The following ANKMY1 variants were observed in gnomAD, a reference collection of about 807,000 sequenced individuals.
ANKMY1 encodes the protein ankyrin repeat and MYND domain containing 1, also known as ankyrin repeat and MYND domain-containing protein 1.
A neutral mutation model predicts 102.0 loss-of-function variants in ANKMY1; 98 were observed. The observed-to-expected ratio is 0.96, with a 90% CI of 0.82 to 1.14. The LOEUF is 1.14. ANKMY1 is among the 50% of genes most tolerant of loss of function. The pLI is 0.00. For missense variants in ANKMY1, 1,330 were observed against 1,347.6 expected, an observed-to-expected ratio of 0.99 and a Z score of 0.20; for synonymous variants, 582 against 559.9, an observed-to-expected ratio of 1.04 and a Z score of -0.56.
intron 4 of ANKMY1, among the ~76,000 whole-genome samples, chr2:240,539,078 A>G (rs961355216): frequency 4.1e-4 from 62 of 152,318 alleles, no homozygotes; most frequent in African/African-American, 1.3e-3. Context: ...ATAAGGGAAT[A>G]AACGCAGGCT....
chr2:240,533,354 A>G (rs553841927), intron 4 of ANKMY1, among the ~76,000 whole-genome samples: 1 of 152,322 alleles, frequency 6.6e-6, no homozygotes, highest in South Asian at 2.1e-4. Flanking sequence ...TTACTATGAG[A>G]TGTACATGGT....
upstream of ANKMY1, chr2:240,561,015 G>GCCGCCGTCTGCA (rs1444177702): frequency 9.8e-6 from 15 of 1,533,524 alleles, no homozygotes; most frequent in African/African-American, 1.4e-5. Flanking sequence ...CAGCCGCTCG[G>GCCGCCGTCTGCA]CCGCCGTCTG....
rs772714291 is a variant in ANKMY1 at position 240,520,149 on chromosome 2, A to T, written c.2004+213T>A. ...ACACGGATCGTGAAGTACTCTAAAA[A>T]CTAGCTCGGTGTCCAAATCCTGTCT... On this transcript the variant is annotated intron_variant, in intron 9 of 17. Transcript: ENST00000401804. This position sits in a 1 kb window ranked among gnomAD's most constrained non-coding sequence, Gnocchi z 4.8. 6.2e-6 allele frequency: 5 copies of T among 804,862 alleles called. No individual in the cohort carries two copies. The South Asian group carries it at 7.3e-5, about 12-fold the overall frequency. 49.9% of individuals were successfully genotyped at this position (804,862 alleles called of 1,614,324 possible). A position where few individuals can be genotyped will look rare whatever the true frequency, so the allele number is the denominator to read the frequency against.
chr2:240,528,155 C>G (rs1575178968), intron 5 of ANKMY1, among the ~76,000 whole-genome samples: 1 of 151,962 alleles, frequency 6.6e-6, no homozygotes, highest in South Asian at 2.1e-4. Context: ...GGCGTGGTGG[C>G]AGGCACCTGT....
intron 9 of ANKMY1, among the ~76,000 whole-genome samples, chr2:240,519,054 T>C (rs1172401007): frequency 6.6e-6 from 1 of 152,180 alleles, no homozygotes; most frequent in South Asian, 2.1e-4. Context: ...TGGACGAGTG[T>C]TTACACAACC....
At chr2:240,490,016 C>G (rs575449349) in intron 15 of ANKMY1, among the ~76,000 whole-genome samples, 11 of 151,900 alleles carry the variant, frequency 7.2e-5, no homozygotes, top group African/African-American at 2.7e-4. Flanking sequence ...AGGAATTTAT[C>G]CATTTCCTCT....
chr2:240,488,038 C>T (rs1477204086), intron 15 of ANKMY1, among the ~76,000 whole-genome samples: 1 of 152,194 alleles, frequency 6.6e-6, no homozygotes, highest in Non-Finnish European at 1.5e-5. Flanking sequence ...CTTAGTCATA[C>T]CTTCTTTGCC....
Position 240,506,903 on chromosome 2 carries a change from C to A in ANKMY1, c.2526+657G>T, listed in dbSNP as rs537143127. On this transcript the variant is annotated intron_variant, in intron 13 of 17. Transcript: ENST00000401804. The surrounding 1 kb of genome is among the most constrained non-coding windows in gnomAD (Gnocchi z 4.9). Reference sequence around the variant, plus strand: ...CTAGGGCTCAGGACAGAAGGTGTCTCCAGCGCGGGCAGGATTTCCCGACTG... The same window carrying A: ...CTAGGGCTCAGGACAGAAGGTGTCTACAGCGCGGGCAGGATTTCCCGACTG... Among the ~76,000 whole-genome samples, 11 of 152,224 alleles carry A rather than the reference C, an allele frequency of 7.2e-5. No individual in the cohort carries two copies. The highest frequency in any genetic ancestry group is 1.2e-4 in the Non-Finnish European group (8 of 68,018).
rs1247685860 is a variant in ANKMY1 at position 240,491,172 on chromosome 2, T to C, written c.2806+8786A>G. Reference sequence around the variant, plus strand: ...TATACCTAGTTACTCCTGCTCACTATTGGTTTCTGTTTGCTTGGAATATAT... The same window carrying C: ...TATACCTAGTTACTCCTGCTCACTACTGGTTTCTGTTTGCTTGGAATATAT... On this transcript the variant is annotated intron_variant, in intron 15 of 17. Transcript: ENST00000401804. Among the ~76,000 whole-genome samples, 2 of 151,958 alleles carry C rather than the reference T, an allele frequency of 1.3e-5. 1 individual carries two copies. Among genetic ancestry groups the C allele is most frequent in the Non-Finnish European group, 2.9e-5 (2 of 67,966 alleles).
upstream of ANKMY1, chr2:240,560,756 C>T: frequency 6.7e-7 from 1 of 1,491,158 alleles, no homozygotes; most frequent in Non-Finnish European, 8.8e-7. Context: ...GCGTCGCGCC[C>T]TCACTCTTCC....
At chr2:240,526,118 C>T in intron 6 of ANKMY1, 111 bp downstream of exon 6, 1 of 1,313,826 alleles carries the variant, frequency 7.6e-7, no homozygotes, top group Admixed American at 1.8e-5. Flanking sequence ...AATCAGTGTC[C>T]CCATGTACCT....
At chr2:240,538,238 C>T (rs527888591) in intron 4 of ANKMY1, among the ~76,000 whole-genome samples, 9 of 152,234 alleles carry the variant, frequency 5.9e-5, no homozygotes, top group Middle Eastern at 3.4e-3. Context: ...TGGGGCTGGC[C>T]GAGGCCGGAG....
At position 240,512,647 on chromosome 2, in the gene ANKMY1, T is replaced by C. The variant is rs143789388; in HGVS notation, c.2145+155A>G. Among the ~76,000 whole-genome samples the C allele has an allele frequency of 4.8e-3, 734 of 152,372 alleles. 8 individuals carry two copies. The highest frequency in any genetic ancestry group is 0.014 in the Middle Eastern group (4 of 294). On this transcript the variant is annotated intron_variant, in intron 10 of 17. Coordinates refer to ENST00000401804, the MANE Select transcript of ANKMY1 (RefSeq NM_001282771.3). The stretch of plus-strand genomic sequence containing the variant: ...AAGCCCACTGGCTAAGGTTCTCATC[T>C]GGACGGGTTGTTTCTATGCAGGATT...
chr2:240,518,154 T>C (rs1442183773), intron 9 of ANKMY1, among the ~76,000 whole-genome samples: 12 of 152,278 alleles, frequency 7.9e-5, no homozygotes, highest in African/African-American at 2.4e-4. Context: ...CTATGGTTTC[T>C]TTTAAATAAA....
Position 240,512,945 on chromosome 2 carries a change from G to T in ANKMY1, c.2005-3C>A. 6.2e-7 allele frequency: 1 copy of T among 1,611,042 alleles called. No individual in the cohort carries two copies. ...TGGAGTGGTGTCAGGGTGCTCAGCT[G>T]CAGAGGAAACACCGGGGCGGGCAGT... On this transcript the variant is annotated splice_region_variant and splice_polypyrimidine_tract_variant and intron_variant, in intron 9 of 17. Coordinates refer to ENST00000401804, the MANE Select transcript of ANKMY1 (RefSeq NM_001282771.3).
the ANKMY1 span, among the ~76,000 whole-genome samples, chr2:240,473,148 A>G: frequency 2.7e-5 from 4 of 150,440 alleles, no homozygotes; most frequent in East Asian, 7.7e-4. Flanking sequence ...AACAAAAAAA[A>G]CCACCAAAAG....
chr2:240,508,138 G>A (rs1021678611), intron 12 of ANKMY1, among the ~76,000 whole-genome samples: 3 of 152,238 alleles, frequency 2.0e-5, no homozygotes, highest in African/African-American at 4.8e-5. Context: ...GTGACCACTC[G>A]GCCAGGCACA....
chr2:240,495,466 A>G (rs955560132), intron 15 of ANKMY1, among the ~76,000 whole-genome samples: 12 of 152,158 alleles, frequency 7.9e-5, no homozygotes, highest in Non-Finnish European at 1.8e-4. Flanking sequence ...AGAATTACTG[A>G]AAGTATTAAA....
chr2:240,548,357 C>T (rs1250052620), intron 4 of ANKMY1, among the ~76,000 whole-genome samples: 9 of 152,130 alleles, frequency 5.9e-5, no homozygotes, highest in Admixed American at 5.9e-4. Context: ...ATTGATGGGA[C>T]GTATCTCAAA....
Sources: gnomAD v4.1 joint callset for allele counts (sites outside exome capture counted in the v4.1 genomes callset) on GRCh38, gnomAD v4.1.1 for gene constraint, Gnocchi (gnomAD v3.1) non-coding constraint, MANE v1.5 for transcripts, NCBI Gene and HGNC (gene_info 2026-07-23, HGNC 2026-07-21) for gene names.